Variants in AREL1 observed in about 807,000 individuals in gnomAD.
AREL1 encodes apoptosis resistant E3 ubiquitin protein ligase 1, also known as apoptosis-resistant E3 ubiquitin protein ligase 1.
A neutral mutation model predicts 99.0 loss-of-function variants in AREL1; 62 were observed. That is an observed-to-expected ratio of 0.63 (90% CI 0.51 to 0.77). The LOEUF is 0.77. AREL1 is among the 30% of genes least tolerant of loss of function. The probability of loss-of-function intolerance (pLI) is 0.00; values close to 1 mark genes in which losing one functional copy is unlikely to be tolerated. For synonymous variants in AREL1, 380 were observed against 376.5 expected (o/e 1.01, Z -0.11); for missense variants, 879 against 1,027.6 (o/e 0.86, Z 1.98).
intron 1 of AREL1, among the ~76,000 whole-genome samples, chr14:74,696,243 G>A (rs1419575516): frequency 6.6e-6 from 1 of 152,136 alleles, no homozygotes; most frequent in African/African-American, 2.4e-5. Flanking sequence ...CTAAATCAAA[G>A]AAAGCATACA....
intron 1 of AREL1, among the ~76,000 whole-genome samples, chr14:74,697,466 C>T (rs1357156525): frequency 6.6e-6 from 1 of 152,144 alleles, no homozygotes; most frequent in East Asian, 1.9e-4. Flanking sequence ...TTTGGATTAT[C>T]AGTTTACATT....
intron 1 of AREL1, among the ~76,000 whole-genome samples, chr14:74,699,990 G>A (rs1179800866): frequency 1.3e-5 from 2 of 152,190 alleles, no homozygotes; most frequent in Non-Finnish European, 2.9e-5. Context: ...GGTTATGAGG[G>A]TGGTTTGTGC....
intron 1 of AREL1, among the ~76,000 whole-genome samples, chr14:74,705,388 A>AT (rs1215903630): frequency 6.6e-6 from 1 of 151,962 alleles, no homozygotes; most frequent in East Asian, 1.9e-4. Context: ...ATTTTAACAG[A>AT]TTTTTCCTCT....
intron 17 of AREL1, among the ~76,000 whole-genome samples, chr14:74,665,767 A>T (rs1333025693): frequency 5.3e-5 from 8 of 152,210 alleles, no homozygotes; most frequent in Non-Finnish European, 1.0e-4. Context: ...TACTTAGCAG[A>T]CTGCAAGTAC....
intron 1 of AREL1, among the ~76,000 whole-genome samples, chr14:74,704,619 T>C (rs573221570): frequency 6.6e-6 from 1 of 152,310 alleles, no homozygotes; most frequent in East Asian, 1.9e-4. Context: ...CTTAGTGATT[T>C]GGGGGCCCCA....
intron 1 of AREL1, among the ~76,000 whole-genome samples, chr14:74,712,326 C>A (rs2090327976): frequency 6.6e-6 from 1 of 152,054 alleles, no homozygotes; most frequent in Non-Finnish European, 1.5e-5. Flanking sequence ...CAGAGTCCAC[C>A]AATCTCATTA....
chr14:74,666,957 T>C (rs939675624), intron 17 of AREL1, among the ~76,000 whole-genome samples: 29 of 152,214 alleles, frequency 1.9e-4, no homozygotes, highest in African/African-American at 6.3e-4. Context: ...TGACCTCAGG[T>C]GATCCACCCA....
intron 1 of AREL1, among the ~76,000 whole-genome samples, chr14:74,704,822 C>T (rs540441108): frequency 6.6e-6 from 1 of 152,194 alleles, no homozygotes; most frequent in Admixed American, 6.5e-5. Context: ...TTTTTTAAAA[C>T]TCTGCCTAGC....
chr14:74,662,480 A>G lies in AREL1; in HGVS notation c.*1240T>C, dbSNP rs2089106099. 1 of 398,572 alleles carries G rather than the reference A, an allele frequency of 2.5e-6. No homozygotes were observed. Among genetic ancestry groups the G allele is most frequent in the Admixed American group, 4.4e-5 (1 of 22,714 alleles). 24.7% of individuals were successfully genotyped at this position (398,572 alleles called of 1,614,324 possible). ...AATTATTTTCAATCAAACAGTAATG[A>G]AAAAGGATGTTGTCATCTTCCAAGA... On this transcript the variant is annotated 3_prime_UTR_variant, in exon 20 of 20. Transcript: ENST00000356357.
intron 1 of AREL1, 28 bp downstream of exon 1, chr14:74,712,905 T>G (rs1297615361): frequency 3.2e-6 from 2 of 629,658 alleles, no homozygotes; most frequent in Middle Eastern, 3.2e-4. Flanking sequence ...TCTTCTGGGC[T>G]CTGCCTAAGG....
At chr14:74,668,309 T>C (rs2089253888) in intron 15 of AREL1, among the ~76,000 whole-genome samples, 1 of 152,204 alleles carries the variant, frequency 6.6e-6, no homozygotes. Context: ...CCAGGAATAT[T>C]TGTGTAGAGT....
At chr14:74,704,856 T>C (rs926981914) in intron 1 of AREL1, among the ~76,000 whole-genome samples, 2 of 152,232 alleles carry the variant, frequency 1.3e-5, no homozygotes, top group African/African-American at 2.4e-5. Flanking sequence ...GATTTTCTCC[T>C]GGTTTTTTTC....
At chr14:74,685,018 A>C (rs1268571557) in intron 3 of AREL1, among the ~76,000 whole-genome samples, 1 of 152,186 alleles carries the variant, frequency 6.6e-6, no homozygotes, top group Non-Finnish European at 1.5e-5. Flanking sequence ...CTTCGGAACC[A>C]AAAATATTTA....
chr14:74,704,554 C>T (rs374822205), intron 1 of AREL1, among the ~76,000 whole-genome samples: 71 of 152,224 alleles, frequency 4.7e-4, no homozygotes, highest in African/African-American at 1.6e-3. Flanking sequence ...TGACTCTGAA[C>T]AGAATGAGAC....
chr14:74,708,734 G>T (rs2090229204), intron 1 of AREL1, among the ~76,000 whole-genome samples: 1 of 152,174 alleles, frequency 6.6e-6, no homozygotes, highest in Non-Finnish European at 1.5e-5. Context: ...AAAACATGAT[G>T]CAAATTGCTC....
In AREL1 at chr14:74,678,995, C is replaced by CCA. The variant is rs541728592; in HGVS notation, c.482-2244_482-2243insTG. On this transcript the variant is annotated intron_variant, in intron 5 of 19. Coordinates refer to ENST00000356357, the MANE Select transcript of AREL1 (RefSeq NM_001039479.2). ...AGCCTCAACCTCCTGGGCTTGTTAT[C>CCA]CTACCACCTCACTTCTCCACCCTAC... 2.7e-4 allele frequency among the ~76,000 whole-genome samples: 41 copies of CCA among 152,124 alleles called. No homozygotes were observed. In the East Asian group the frequency reaches 7.8e-3, roughly 29 times the overall value.
chr14:74,692,819 T>G (rs2089910573), intron 1 of AREL1, among the ~76,000 whole-genome samples: 1 of 152,184 alleles, frequency 6.6e-6, no homozygotes, highest in Non-Finnish European at 1.5e-5. Context: ...TCCTCCCGCC[T>G]CAGCCTCCCA....
intron 1 of AREL1, among the ~76,000 whole-genome samples, chr14:74,709,150 A>G (rs1165346306): frequency 6.6e-6 from 1 of 152,266 alleles, no homozygotes; most frequent in African/African-American, 2.4e-5. Context: ...TTTAAAAGGT[A>G]AAACGGTCAG....
chr14:74,704,320 G>C (rs372865893), intron 1 of AREL1, among the ~76,000 whole-genome samples: 41 of 152,270 alleles, frequency 2.7e-4, no homozygotes, highest in African/African-American at 9.1e-4. Flanking sequence ...ATGAGGTCCT[G>C]ACGACATGTG....
Sources: gnomAD v4.1 joint callset for allele counts (sites outside exome capture counted in the v4.1 genomes callset) on GRCh38, gnomAD v4.1.1 for gene constraint, MANE v1.5 for transcripts, NCBI Gene and HGNC (gene_info 2026-07-23, HGNC 2026-07-21) for gene names.